Variants in MRPS31 observed in about 807,000 individuals in gnomAD.
MRPS31 encodes the protein small ribosomal subunit protein mS31.
A neutral mutation model predicts 43.1 loss-of-function variants in MRPS31; 32 were observed. The ratio of observed to expected loss-of-function variants is 0.74; its 90% CI spans 0.56 to 1.00. The LOEUF (loss-of-function observed/expected upper bound fraction) is 1.00, where lower values mean the gene tolerates loss of function less well. Among genes scored for constraint, MRPS31 ranks in the 50% least tolerant of loss-of-function variants. The probability of loss-of-function intolerance (pLI) is 0.00; values close to 1 mark genes in which losing one functional copy is unlikely to be tolerated. For missense variants in MRPS31, 437 were observed against 466.7 expected, an observed-to-expected ratio of 0.94 and a Z score of 0.59; for synonymous variants, 165 against 161.6, an observed-to-expected ratio of 1.02 and a Z score of -0.16.
At chr13:40,739,972 C>A (rs1357696083) in intron 6 of MRPS31, among the ~76,000 whole-genome samples, 1 of 148,824 alleles carries the variant, frequency 6.7e-6, no homozygotes, top group African/African-American at 2.5e-5. Flanking sequence ...TTCTGCACAG[C>A]AAAAGAAACT....
chr13:40,729,380 A>G lies in MRPS31; in HGVS notation c.1180T>C (p.Phe394Leu), dbSNP rs1239701007. 6.9e-7 allele frequency: 1 copy of G among 1,456,944 alleles called. No individual in the cohort carries two copies. Among genetic ancestry groups the G allele is most frequent in the Non-Finnish European group, 9.5e-7 (1 of 1,058,024 alleles). 90.3% of individuals were successfully genotyped at this position (1,456,944 alleles called of 1,614,324 possible). A position where few individuals can be genotyped will look rare whatever the true frequency, so the allele number is the denominator to read the frequency against. ...KDILKESNIQ[F>L]N ...TAAAAATTTCCATGGTCTTAATTGAACTGTATGTTACTTTCTTTTAGAATA... is the reference window on the plus strand; with the variant it reads ...TAAAAATTTCCATGGTCTTAATTGAGCTGTATGTTACTTTCTTTTAGAATA... The change falls in exon 7 of 7, where the codon TTC becomes CTC. Residue 394 changes from phenylalanine to leucine, a missense_variant. Coordinates refer to ENST00000323563, the MANE Select transcript of MRPS31 (RefSeq NM_005830.4).
chr13:40,744,439 G>A (rs572206651), intron 6 of MRPS31, among the ~76,000 whole-genome samples: 3 of 152,222 alleles, frequency 2.0e-5, no homozygotes, highest in African/African-American at 4.8e-5. Flanking sequence ...AAATTAAAAA[G>A]TAAACATTTA....
At chr13:40,754,989 G>A (rs1188117220) in intron 4 of MRPS31, among the ~76,000 whole-genome samples, 1 of 152,232 alleles carries the variant, frequency 6.6e-6, no homozygotes. Context: ...AGCCGACATT[G>A]TGCCACTACA....
intron 1 of MRPS31, 118 bp downstream of exon 1, chr13:40,770,867 G>C (rs1880986624): frequency 7.5e-7 from 1 of 1,328,708 alleles, no homozygotes; most frequent in South Asian, 1.2e-5. Flanking sequence ...TTTTCTTTCT[G>C]GGATTTCTCT....
chr13:40,760,150 A>AAAC (rs1566110992), intron 2 of MRPS31, among the ~76,000 whole-genome samples: 1 of 150,996 alleles, frequency 6.6e-6, no homozygotes, highest in African/African-American at 2.5e-5. Context: ...AAAAAAAAAA[A>AAAC]AAAAAACTGT....
intron 5 of MRPS31, among the ~76,000 whole-genome samples, chr13:40,750,742 T>TTA (rs66521234): frequency 0.12 from 15,247 of 130,412 alleles, 845 homozygotes; most frequent in Middle Eastern, 0.15. Context: ...GTATCCCATT[T>TTA]TATATATATA....
At chr13:40,733,959 CAAAAAAAAAA>C (rs61512285) in intron 6 of MRPS31, among the ~76,000 whole-genome samples, 1 of 56,668 alleles carries the variant, frequency 1.8e-5, no homozygotes, top group East Asian at 5.2e-4. Context: ...GACTCTGACT[CAAAAAAAAAA>C]AAAAAAAAAA....
chr13:40,735,871 C>G (rs1293035442), intron 6 of MRPS31, among the ~76,000 whole-genome samples: 1 of 150,472 alleles, frequency 6.6e-6, no homozygotes, highest in South Asian at 2.1e-4. Context: ...AAAAGCAGAG[C>G]GCCTCTCCTC....
At chr13:40,767,998 T>C (rs1880899080) in intron 1 of MRPS31, among the ~76,000 whole-genome samples, 1 of 152,216 alleles carries the variant, frequency 6.6e-6, no homozygotes, top group Non-Finnish European at 1.5e-5. Flanking sequence ...GCTAGAAATG[T>C]CATTTGTGCT....
intron 6 of MRPS31, among the ~76,000 whole-genome samples, chr13:40,743,898 T>C (rs893550124): frequency 2.0e-5 from 3 of 152,170 alleles, no homozygotes; most frequent in Non-Finnish European, 2.9e-5. Flanking sequence ...GATACATGCA[T>C]ATGTATGTTC....
At chr13:40,746,159 AAAAAC>A (rs1254304148) in intron 6 of MRPS31, among the ~76,000 whole-genome samples, 1 of 152,250 alleles carries the variant, frequency 6.6e-6, no homozygotes, top group African/African-American at 2.4e-5. Context: ...CAATACTACT[AAAAAC>A]AAAACAAAAC....
At chr13:40,760,162 T>C (rs1328988643) in intron 2 of MRPS31, among the ~76,000 whole-genome samples, 8 of 146,722 alleles carry the variant, frequency 5.5e-5, no homozygotes, top group Non-Finnish European at 8.9e-5. Context: ...AAAAACTGTA[T>C]GATTCCATTT....
At position 40,771,035 on chromosome 13, in the gene MRPS31, G is replaced by T; in HGVS notation, c.102C>A (p.Leu34=). ...PETSAAAIML[L]TVRHGTVRYR... ...ACCTGACTGTTCCGTGCCGAACAGT[G>T]AGTAGCATAATCGCAGCCGCTGATG... is the stretch of plus-strand genomic sequence containing the variant. The change falls in exon 1 of 7, where the codon CTC becomes CTA. Residue 34 remains leucine (L), a synonymous_variant. Transcript: ENST00000323563. 1 of 1,614,156 alleles carries T rather than the reference G, an allele frequency of 6.2e-7. No homozygotes were observed. The highest frequency in any genetic ancestry group is 8.5e-7 in the Non-Finnish European group (1 of 1,180,016).
At chr13:40,733,959 CAAAAAAAAAAA>C (rs61512285) in intron 6 of MRPS31, among the ~76,000 whole-genome samples, 1 of 56,664 alleles carries the variant, frequency 1.8e-5, no homozygotes, top group Non-Finnish European at 3.3e-5. Flanking sequence ...GACTCTGACT[CAAAAAAAAAAA>C]AAAAAAAAAA....
intron 6 of MRPS31, among the ~76,000 whole-genome samples, chr13:40,739,486 T>C (rs1168676722): frequency 6.6e-6 from 1 of 152,144 alleles, no homozygotes; most frequent in Non-Finnish European, 1.5e-5. Flanking sequence ...GCCAAGTCAA[T>C]TCTAAGCCAA....
intron 5 of MRPS31, among the ~76,000 whole-genome samples, chr13:40,753,393 T>C (rs1184363770): frequency 6.6e-6 from 1 of 152,220 alleles, no homozygotes; most frequent in Non-Finnish European, 1.5e-5. Context: ...TAACTCAAAT[T>C]AGTAGCTAAT....
intron 2 of MRPS31, among the ~76,000 whole-genome samples, chr13:40,763,456 C>T (rs1251311316): frequency 2.0e-5 from 3 of 152,172 alleles, no homozygotes; most frequent in African/African-American, 7.2e-5. Flanking sequence ...AGAATCACTG[C>T]ATTTAAGTCC....
At chr13:40,761,502 A>G (rs141767263) in intron 2 of MRPS31, among the ~76,000 whole-genome samples, 86 of 152,314 alleles carry the variant, frequency 5.6e-4, no homozygotes, top group African/African-American at 2.0e-3. Context: ...CTATGTAGTT[A>G]TACTCTCTGG....
chr13:40,732,347 A>G (rs971050581), intron 6 of MRPS31, among the ~76,000 whole-genome samples: 1 of 152,260 alleles, frequency 6.6e-6, no homozygotes, highest in African/African-American at 2.4e-5. Context: ...AGACATTTTA[A>G]GAAAGTGTCT....
Sources: gnomAD v4.1 joint callset for allele counts (sites outside exome capture counted in the v4.1 genomes callset) on GRCh38, gnomAD v4.1.1 for gene constraint, MANE v1.5 for transcripts, NCBI Gene and HGNC (gene_info 2026-07-23, HGNC 2026-07-21) for gene names.